PIGG: variants seen among roughly 807,000 people sequenced by gnomAD.
The protein encoded by PIGG is phosphatidylinositol glycan anchor biosynthesis class G (EMM blood group).
In PIGG, 70 loss-of-function variants were observed where a neutral mutation model predicts 83.2. The ratio of observed to expected loss-of-function variants is 0.84; its 90% CI spans 0.69 to 1.03. The LOEUF (loss-of-function observed/expected upper bound fraction) is 1.03, where lower values mean the gene tolerates loss of function less well. Ranked by LOEUF, PIGG falls within the 50% of genes least tolerant of loss-of-function variation. The probability of loss-of-function intolerance (pLI) is 0.00; values close to 1 mark genes in which losing one functional copy is unlikely to be tolerated. For synonymous variants in PIGG, 532 were observed against 519.5 expected, an observed-to-expected ratio of 1.02 and a Z score of -0.33; for missense variants, 1,257 against 1,233.6, an observed-to-expected ratio of 1.02 and a Z score of -0.28.
chr4:527,512 A>T, intron 10 of PIGG: 1 of 1,194,654 alleles, frequency 8.4e-7, no homozygotes, highest in Admixed American at 4.1e-5. Flanking sequence ...ATTTAAAATA[A>T]AACCTTCAGG....
intron 9 of PIGG, chr4:525,213 T>C (rs1727243795): frequency 2.0e-6 from 2 of 985,156 alleles, no homozygotes; most frequent in Non-Finnish European, 1.2e-6. Flanking sequence ...CCTGAGCCTT[T>C]CATTGGCGAC....
Position 499,433 on chromosome 4 carries a change from G to T in PIGG, c.98G>T (p.Arg33Leu), listed in dbSNP as rs782421781. The T allele has an allele frequency of 1.2e-6, 2 of 1,606,736 alleles. No homozygotes were observed. Among genetic ancestry groups the T allele is most frequent in the South Asian group, 1.1e-5 (1 of 90,830 alleles). ...CGGGGATTCTTCCCGGCTCCCGTTC[G>T]TTCCTCTGCCAGAGCGGAACACGGA... ...FLRGFFPAPV[R>L]SSARAEHGAE... is the part of the protein sequence containing the mutation. The change falls in exon 1 of 13, where the codon CGT becomes CTT. Residue 33 changes from arginine to leucine, a missense_variant. Transcript: ENST00000453061.
intron 5 of PIGG, among the ~76,000 whole-genome samples, chr4:512,147 G>C (rs188222588): frequency 4.6e-5 from 7 of 150,976 alleles, no homozygotes; most frequent in Non-Finnish European, 1.0e-4. Flanking sequence ...TAAATTGCTG[G>C]TTCTTTCTTC....
At chr4:506,035 T>C in intron 3 of PIGG, 108 bp downstream of exon 3, 1 of 764,546 alleles carries the variant, frequency 1.3e-6, no homozygotes, top group Non-Finnish European at 2.1e-6. Flanking sequence ...TTGGTTTTAT[T>C]AATTTATAGG....
chr4:521,399 A>G, intron 7 of PIGG, 126 bp downstream of exon 7: 1 of 730,634 alleles, frequency 1.4e-6, no homozygotes, highest in South Asian at 2.0e-5. Flanking sequence ...TTCTTGTTTA[A>G]CTCTTTCGTG....
chr4:508,209 T>C (rs1364085887), intron 4 of PIGG, among the ~76,000 whole-genome samples: 1 of 152,202 alleles, frequency 6.6e-6, no homozygotes, highest in Non-Finnish European at 1.5e-5. Flanking sequence ...AGGAGGGGCT[T>C]TCAACAGCGT....
chr4:507,376 T>G, intron 3 of PIGG, 29 bp from the exon 4 acceptor site: 1 of 1,541,388 alleles, frequency 6.5e-7, no homozygotes, highest in Non-Finnish European at 8.8e-7. Flanking sequence ...ATTAGGTGAG[T>G]TGTTTATACG....
chr4:503,412 T>G (rs540637179), intron 2 of PIGG, among the ~76,000 whole-genome samples: 7 of 152,306 alleles, frequency 4.6e-5, no homozygotes, highest in African/African-American at 1.7e-4. Context: ...TCACTCCCGT[T>G]TACCTCTTCA....
In PIGG at chr4:539,418, T is replaced by C. The variant is rs772821113; in HGVS notation, c.*49T>C. On this transcript the variant is annotated 3_prime_UTR_variant, in exon 13 of 13. Coordinates refer to ENST00000453061, the MANE Select transcript of PIGG (RefSeq NM_001127178.3). ...AATACATGCTTAAAGTCTGCTGTTATTCTAAAATGAAAGATATGAATTCAA... is the reference window on the plus strand; with the variant it reads ...AATACATGCTTAAAGTCTGCTGTTACTCTAAAATGAAAGATATGAATTCAA... 8.7e-7 allele frequency: 1 copy of C among 1,144,642 alleles called. No homozygotes were observed. Among genetic ancestry groups the C allele is most frequent in the Non-Finnish European group, 1.3e-6 (1 of 786,146 alleles). 70.9% of individuals were successfully genotyped at this position (1,144,642 alleles called of 1,614,324 possible).
chr4:504,473 C>G (rs1297338047), intron 2 of PIGG, among the ~76,000 whole-genome samples: 2 of 152,334 alleles, frequency 1.3e-5, no homozygotes, highest in East Asian at 3.9e-4. Context: ...ACTTCTCAAT[C>G]TGTTCTATAA....
chr4:518,191 C>T (rs146799837), intron 6 of PIGG, among the ~76,000 whole-genome samples: 15 of 152,354 alleles, frequency 9.8e-5, no homozygotes, highest in East Asian at 3.9e-4. Context: ...CCAGGGACAA[C>T]AGTGACTTGT....
Position 508,820 on chromosome 4 carries a change from G to A in PIGG, c.760-9G>A. The A allele has an allele frequency of 6.2e-7, 1 of 1,613,126 alleles. No individual in the cohort carries two copies. The highest frequency in any genetic ancestry group is 8.5e-7 in the Non-Finnish European group (1 of 1,179,424). ...AACGCAGTTGAAATGTTTTTCCTTT[G>A]CCTTAAAGGAGAGAGAGACGCCTTT... On this transcript the variant is annotated splice_polypyrimidine_tract_variant and intron_variant, in intron 4 of 12. Transcript: ENST00000453061.
At chr4:507,701 A>G (rs1720248889) in intron 4 of PIGG, 108 bp downstream of exon 4, 1 of 951,770 alleles carries the variant, frequency 1.1e-6, no homozygotes, top group Non-Finnish European at 1.6e-6. Context: ...AATGTCCACC[A>G]TCAGTCTGCT....
At position 509,510 on chromosome 4, in the gene PIGG, G is replaced by A. The variant is rs1009077143; in HGVS notation, c.901+540G>A. ...CCGCCGGCCTTGCTGTCCTGTCGGCGGCTGCCTTCCACTTGCGCCTGGCTT... is the reference window on the plus strand; with the variant it reads ...CCGCCGGCCTTGCTGTCCTGTCGGCAGCTGCCTTCCACTTGCGCCTGGCTT... On this transcript the variant is annotated intron_variant, in intron 5 of 12. Coordinates refer to ENST00000453061, the MANE Select transcript of PIGG (RefSeq NM_001127178.3). Among the ~76,000 whole-genome samples, 2 of 152,148 alleles carry A rather than the reference G, an allele frequency of 1.3e-5. 1 individual carries two copies. Among genetic ancestry groups the A allele is most frequent in the Admixed American group, 1.3e-4 (2 of 15,276 alleles).
intron 12 of PIGG, among the ~76,000 whole-genome samples, chr4:537,668 A>T (rs767425684): frequency 1.0e-3 from 154 of 152,098 alleles, no homozygotes; most frequent in Non-Finnish European, 1.8e-3. Flanking sequence ...TGAAAGGACC[A>T]GAGGCACCGG....
At chr4:527,939 G>A in intron 10 of PIGG, 1 of 985,334 alleles carries the variant, frequency 1.0e-6, no homozygotes, top group Non-Finnish European at 1.2e-6. Context: ...ATAAGCAGAG[G>A]CAGGAGCCTG....
chr4:505,728 C>CG lies in PIGG; in HGVS notation c.375dup (p.Ser126GlufsTer39). The CG allele has an allele frequency of 6.2e-7, 1 of 1,612,300 alleles. No homozygotes were observed. The highest frequency in any genetic ancestry group is 8.5e-7 in the Non-Finnish European group (1 of 1,179,118). ...ATTTTCTGACTGCAGGCATTGATGACGGGGAGCCTTCCTGGCTTTGTCGAC... is the reference window on the plus strand; with the variant it reads ...ATTTTCTGACTGCAGGCATTGATGACGGGGGAGCCTTCCTGGCTTTGTCGAC... On this transcript the variant is annotated frameshift_variant, in exon 3 of 13. Transcript: ENST00000453061. LOFTEE classifies it high-confidence loss of function.
intron 6 of PIGG, among the ~76,000 whole-genome samples, chr4:518,737 C>T (rs1436159477): frequency 1.3e-5 from 2 of 149,180 alleles, no homozygotes; most frequent in Non-Finnish European, 1.5e-5. Context: ...GCAGGAGCCT[C>T]CCTTGACTGA....
chr4:528,987 G>A lies in PIGG; in HGVS notation c.2262-1449G>A, dbSNP rs560938686. Among the ~76,000 whole-genome samples, 4 of 152,044 alleles carry A rather than the reference G, an allele frequency of 2.6e-5. No homozygotes were observed. The South Asian group carries it at 6.2e-4, about 24-fold the overall frequency. On this transcript the variant is annotated intron_variant, in intron 10 of 12. Transcript: ENST00000453061. The surrounding 1 kb of genome is among the most constrained non-coding windows in gnomAD (Gnocchi z 4.8). ...GCTGCCGCTCTCCTGTCAGTCCCCC[G>A]GGCCCTGCCATCCACTGAGAGTCTG...
Sources: gnomAD v4.1 joint callset for allele counts (sites outside exome capture counted in the v4.1 genomes callset) on GRCh38, gnomAD v4.1.1 for gene constraint, Gnocchi (gnomAD v3.1) non-coding constraint, MANE v1.5 for transcripts, NCBI Gene and HGNC (gene_info 2026-07-23, HGNC 2026-07-21) for gene names.